KCNQ3: variants seen among roughly 807,000 people sequenced by gnomAD.
The protein encoded by KCNQ3 is potassium voltage-gated channel subfamily KQT member 3.
A neutral mutation model predicts 92.5 loss-of-function variants in KCNQ3; 30 were observed. The ratio of observed to expected loss-of-function variants is 0.32; its 90% CI spans 0.24 to 0.44. The LOEUF is 0.44. Ranked by LOEUF, KCNQ3 falls within the 20% of genes least tolerant of loss-of-function variation. KCNQ3 has a pLI of 1.00. For synonymous variants in KCNQ3, 450 were observed against 468.8 expected (o/e 0.96, Z 0.52); for missense variants, 913 against 1,140.3 (o/e 0.80, Z 2.87).
At chr8:132,264,465 G>A (rs116936111) in intron 1 of KCNQ3, among the ~76,000 whole-genome samples, 3,223 of 152,350 alleles carry the variant, frequency 0.021, 48 homozygotes, top group Non-Finnish European at 0.032. Context: ...TGCAGTGAGT[G>A]TAGTGGGCAG....
At chr8:132,187,800 GATA>G (rs1409106891) in intron 1 of KCNQ3, among the ~76,000 whole-genome samples, 11 of 146,298 alleles carry the variant, frequency 7.5e-5, no homozygotes, top group East Asian at 4.0e-4. Flanking sequence ...CGGTGGTGGT[GATA>G]GTGATGGTGG....
chr8:132,443,086 G>T (rs1211925630), intron 1 of KCNQ3, among the ~76,000 whole-genome samples: 1 of 152,184 alleles, frequency 6.6e-6, no homozygotes, highest in Non-Finnish European at 1.5e-5. Flanking sequence ...AAGGAAATTA[G>T]AATTACAAAT....
intron 7 of KCNQ3, among the ~76,000 whole-genome samples, chr8:132,172,397 T>TACACACACACACAC (rs35831322): frequency 7.8e-5 from 11 of 140,390 alleles, no homozygotes; most frequent in African/African-American, 1.3e-4. Flanking sequence ...GGCACATTAA[T>TACACACACACACAC]ACACACACAC....
intron 7 of KCNQ3, among the ~76,000 whole-genome samples, chr8:132,172,196 C>T (rs1826389486): frequency 6.6e-6 from 1 of 151,858 alleles, no homozygotes; most frequent in Non-Finnish European, 1.5e-5. Flanking sequence ...CAAAAAACCA[C>T]CGTATCAAAA....
intron 3 of KCNQ3, 147 bp downstream of exon 3, chr8:132,184,094 C>T: frequency 1.0e-6 from 1 of 965,920 alleles, no homozygotes; most frequent in Non-Finnish European, 1.6e-6. Flanking sequence ...TGACACTGTC[C>T]CTTCTCATCG....
chr8:132,196,789 T>C (rs148876888), intron 1 of KCNQ3, among the ~76,000 whole-genome samples: 1 of 152,206 alleles, frequency 6.6e-6, no homozygotes, highest in Non-Finnish European at 1.5e-5. Context: ...CTGGAAAGGC[T>C]TTCAAAGATA....
intron 1 of KCNQ3, among the ~76,000 whole-genome samples, chr8:132,414,178 G>T (rs1293648309): frequency 6.6e-6 from 1 of 152,316 alleles, no homozygotes; most frequent in East Asian, 1.9e-4. Context: ...GCCCCTCGAG[G>T]TTTCATCATC....
chr8:132,217,535 C>A lies in KCNQ3; in HGVS notation c.387-31354G>T, dbSNP rs187385258. Among the ~76,000 whole-genome samples, 67 of 151,900 alleles carry A rather than the reference C, an allele frequency of 4.4e-4. No homozygotes were observed. The East Asian group carries it at 0.011, about 26-fold the overall frequency. On this transcript the variant is annotated intron_variant, in intron 1 of 14. Transcript: ENST00000388996. ...ACCATCCTGGCTAACATGATGAAACCCCGTCTCTACTAAAAATATAAAAAA... is the reference window on the plus strand; with the variant it reads ...ACCATCCTGGCTAACATGATGAAACACCGTCTCTACTAAAAATATAAAAAA...
intron 3 of KCNQ3, 25 bp downstream of exon 3, chr8:132,184,216 T>G: frequency 6.2e-7 from 1 of 1,614,046 alleles, no homozygotes; most frequent in East Asian, 2.2e-5. Context: ...CTGAGGAGGC[T>G]GGGAGGCTCA....
intron 1 of KCNQ3, among the ~76,000 whole-genome samples, chr8:132,378,667 A>G (rs757473301): frequency 2.0e-5 from 3 of 152,182 alleles, no homozygotes; most frequent in African/African-American, 4.8e-5. Flanking sequence ...TGTGCTTTAA[A>G]TGAGGTCCCT....
chr8:132,200,358 C>G (rs1827421388), intron 1 of KCNQ3, among the ~76,000 whole-genome samples: 2 of 151,070 alleles, frequency 1.3e-5, no homozygotes, highest in Non-Finnish European at 2.9e-5. Flanking sequence ...AGCAGAAGAC[C>G]TGAGTAGTTG....
intron 1 of KCNQ3, among the ~76,000 whole-genome samples, chr8:132,431,397 T>C (rs954310081): frequency 5.3e-5 from 8 of 152,168 alleles, no homozygotes; most frequent in African/African-American, 1.9e-4. Context: ...AAAACGCCCA[T>C]CCAGATTCCA....
In KCNQ3 at chr8:132,127,985, G is replaced by GTAAA. The variant is rs1381956145; in HGVS notation, c.*1273_*1276dup. Reference sequence around the variant, plus strand: ...GGAAATTTTGCCTGTTTACACATCTGTAAATGTAGCTTGCTTGCATTATTT... The same window carrying GTAAA: ...GGAAATTTTGCCTGTTTACACATCTGTAAATAAATGTAGCTTGCTTGCATTATTT... On this transcript the variant is annotated 3_prime_UTR_variant, in exon 15 of 15. Coordinates refer to ENST00000388996, the MANE Select transcript of KCNQ3 (RefSeq NM_004519.4). 6.6e-6 allele frequency: 1 copy of GTAAA among 152,228 alleles called. No homozygotes were observed. Among genetic ancestry groups the GTAAA allele is most frequent in the Non-Finnish European group, 1.5e-5 (1 of 68,042 alleles). 9.4% of individuals were successfully genotyped at this position (152,228 alleles called of 1,614,324 possible). A position where few individuals can be genotyped will look rare whatever the true frequency, so the allele number is the denominator to read the frequency against.
chr8:132,415,780 A>G (rs1318524894), intron 1 of KCNQ3, among the ~76,000 whole-genome samples: 2 of 152,212 alleles, frequency 1.3e-5, no homozygotes, highest in African/African-American at 4.8e-5. Flanking sequence ...AGCTATTGCC[A>G]TGATTTTCGG....
intron 1 of KCNQ3, among the ~76,000 whole-genome samples, chr8:132,281,131 C>T (rs897081272): frequency 9.2e-5 from 14 of 152,168 alleles, no homozygotes; most frequent in Non-Finnish European, 2.1e-4. Context: ...CACATCAGCC[C>T]TGTGGATAAG....
intron 1 of KCNQ3, among the ~76,000 whole-genome samples, chr8:132,218,762 G>T (rs771130766): frequency 6.6e-6 from 1 of 152,164 alleles, no homozygotes; most frequent in Non-Finnish European, 1.5e-5. Flanking sequence ...TTTAAAAGGA[G>T]AAATCTTTTC....
At chr8:132,370,261 G>A (rs758049258) in intron 1 of KCNQ3, among the ~76,000 whole-genome samples, 5 of 152,186 alleles carry the variant, frequency 3.3e-5, no homozygotes, top group Non-Finnish European at 7.3e-5. Context: ...TTGGTGCCCA[G>A]CACAATGTTT....
chr8:132,431,100 C>G (rs1436530697), intron 1 of KCNQ3, among the ~76,000 whole-genome samples: 1 of 152,142 alleles, frequency 6.6e-6, no homozygotes, highest in Non-Finnish European at 1.5e-5. Context: ...GAACCTTCTC[C>G]AAGCAGTGCC....
intron 1 of KCNQ3, among the ~76,000 whole-genome samples, chr8:132,275,663 C>T (rs1007562914): frequency 3.3e-5 from 5 of 151,918 alleles, no homozygotes; most frequent in African/African-American, 7.3e-5. Flanking sequence ...CTGCAAGCTC[C>T]GCCTCCCAGG....
Sources: gnomAD v4.1 joint callset for allele counts (sites outside exome capture counted in the v4.1 genomes callset) on GRCh38, gnomAD v4.1.1 for gene constraint, MANE v1.5 for transcripts, NCBI Gene and HGNC (gene_info 2026-07-23, HGNC 2026-07-21) for gene names.